Variants in FGD4 observed in about 807,000 individuals in gnomAD.
FGD4 encodes the protein FYVE, RhoGEF and PH domain-containing protein 4.
In FGD4, 42 loss-of-function variants were observed where a neutral mutation model predicts 102.0. That is an observed-to-expected ratio of 0.41 (90% CI 0.32 to 0.53). FGD4 has a LOEUF of 0.53. FGD4 is among the 20% of genes least tolerant of loss of function. The pLI, the probability that FGD4 is intolerant of heterozygous loss-of-function variation, is 0.21. For missense variants in FGD4, 902 were observed against 1,078.2 expected (o/e 0.84, Z 2.29); for synonymous variants, 380 against 375.7 (o/e 1.01, Z -0.13).
At chr12:32,628,500 A>G (rs1950307349) in intron 14 of FGD4, among the ~76,000 whole-genome samples, 1 of 152,060 alleles carries the variant, frequency 6.6e-6, no homozygotes, top group Non-Finnish European at 1.5e-5. Flanking sequence ...ACTGAACTAG[A>G]TTAAATTATG....
chr12:32,428,692 C>G (rs533262826), intron 1 of FGD4, among the ~76,000 whole-genome samples: 5 of 152,308 alleles, frequency 3.3e-5, no homozygotes. Context: ...CCATCACTTT[C>G]AGGTACATCA....
At chr12:32,419,522 G>T (rs1182055619) in intron 1 of FGD4, among the ~76,000 whole-genome samples, 1 of 152,148 alleles carries the variant, frequency 6.6e-6, no homozygotes, top group African/African-American at 2.4e-5. Flanking sequence ...AGCCACTGCT[G>T]GGGATGGGGG....
chr12:32,448,611 C>T (rs1446334665), intron 1 of FGD4, among the ~76,000 whole-genome samples: 7 of 150,578 alleles, frequency 4.6e-5, no homozygotes, highest in East Asian at 3.9e-4. Flanking sequence ...GAGCTGAGAT[C>T]GCGCCACGGC....
chr12:32,617,231 T>TA (rs1949506461), intron 10 of FGD4, among the ~76,000 whole-genome samples: 1 of 152,310 alleles, frequency 6.6e-6, no homozygotes, highest in African/African-American at 2.4e-5. Flanking sequence ...AAAAATAAAA[T>TA]AAAATCACCA....
At chr12:32,453,200 T>TTATATATATATA (rs1209887127) in intron 1 of FGD4, among the ~76,000 whole-genome samples, 50 of 64,596 alleles carry the variant, frequency 7.7e-4, no homozygotes, top group African/African-American at 2.4e-3. Context: ...TATATATATA[T>TTATATATATATA]TATATATATA....
At chr12:32,479,325 A>G (rs917420747) in intron 1 of FGD4, among the ~76,000 whole-genome samples, 1 of 152,140 alleles carries the variant, frequency 6.6e-6, no homozygotes, top group Non-Finnish European at 1.5e-5. Context: ...ACTAAAGTGT[A>G]GTCATATAAC....
At chr12:32,581,901 TA>T (rs1946648243) in intron 3 of FGD4, 58 bp from the exon 4 acceptor site, 3 of 1,592,664 alleles carry the variant, frequency 1.9e-6, no homozygotes, top group Non-Finnish European at 2.6e-6. Flanking sequence ...AAACTTGTCT[TA>T]ATTCTAGAAC....
intron 1 of FGD4, among the ~76,000 whole-genome samples, chr12:32,445,896 G>A (rs1260424464): frequency 6.6e-6 from 1 of 152,202 alleles, no homozygotes; most frequent in Non-Finnish European, 1.5e-5. Flanking sequence ...ACTGGGTGCT[G>A]TGACTCACAC....
chr12:32,473,878 G>A (rs1356856104), intron 1 of FGD4, among the ~76,000 whole-genome samples: 1 of 151,980 alleles, frequency 6.6e-6, no homozygotes, highest in African/African-American at 2.4e-5. Context: ...ACGAGGTCAG[G>A]AGATCGAGAC....
chr12:32,418,524 A>G (rs757129767), intron 1 of FGD4, among the ~76,000 whole-genome samples: 10 of 152,162 alleles, frequency 6.6e-5, no homozygotes, highest in Non-Finnish European at 1.3e-4. Flanking sequence ...ATTACCAAGC[A>G]GAGACTCTTG....
intron 1 of FGD4, among the ~76,000 whole-genome samples, chr12:32,531,185 A>G (rs1369496247): frequency 2.0e-5 from 3 of 151,688 alleles, no homozygotes; most frequent in Non-Finnish European, 4.4e-5. Context: ...TCTTGACCTC[A>G]TGATCCGCCC....
intron 8 of FGD4, among the ~76,000 whole-genome samples, chr12:32,610,262 A>T (rs1305926511): frequency 1.3e-5 from 2 of 152,222 alleles, no homozygotes; most frequent in Non-Finnish European, 2.9e-5. Flanking sequence ...TAAAATACTT[A>T]ATGGTTTAAG....
intron 1 of FGD4, among the ~76,000 whole-genome samples, chr12:32,480,166 T>C (rs11052022): frequency 3.3e-5 from 2 of 60,580 alleles, no homozygotes; most frequent in African/African-American, 8.2e-5. Flanking sequence ...GTTTTTTTTG[T>C]TTTTTTTGTT....
intron 4 of FGD4, among the ~76,000 whole-genome samples, chr12:32,597,888 G>GT (rs1224658744): frequency 2.0e-5 from 3 of 152,056 alleles, no homozygotes; most frequent in Non-Finnish European, 4.4e-5. Context: ...TTTTCTTTCT[G>GT]TTTTTTTGAG....
Position 32,646,001 on chromosome 12 carries a change from A to T in FGD4, c.*5468A>T, listed in dbSNP as rs779084230. Reference sequence around the variant, plus strand: ...TGTAAAATTAAGCACTTTAATTCCTATTAAATATTAAACATTTGTATCTTG... The same window carrying T: ...TGTAAAATTAAGCACTTTAATTCCTTTTAAATATTAAACATTTGTATCTTG... On this transcript the variant is annotated 3_prime_UTR_variant, in exon 17 of 17. Transcript: ENST00000534526. 6.6e-6 allele frequency: 1 copy of T among 152,168 alleles called. No individual in the cohort carries two copies. Among genetic ancestry groups the T allele is most frequent in the South Asian group, 2.1e-4 (1 of 4,830 alleles). The allele number at this position is 152,168 out of a possible 1,614,324, so 9.4% of individuals were successfully genotyped here.
Position 32,544,883 on chromosome 12 carries a change from T to G in FGD4, c.167-19254T>G, listed in dbSNP as rs1259327882. 6.6e-6 allele frequency among the ~76,000 whole-genome samples: 1 copy of G among 152,242 alleles called. No homozygotes were observed. Among genetic ancestry groups the G allele is most frequent in the Non-Finnish European group, 1.5e-5 (1 of 68,044 alleles). On this transcript the variant is annotated intron_variant, in intron 1 of 16. Coordinates refer to ENST00000534526, the MANE Select transcript of FGD4 (RefSeq NM_001370298.3). The surrounding 1 kb of genome is among the most constrained non-coding windows in gnomAD (Gnocchi z 4.1). ...TTAATAACACTAAGCATGGTGACTCTCAACCATGACTGCACAGTGGGATTG... is the reference window on the plus strand; with the variant it reads ...TTAATAACACTAAGCATGGTGACTCGCAACCATGACTGCACAGTGGGATTG...
rs989742431 is a variant in FGD4, at chr12:32,582,602, C to G, written c.1011+135C>G. 2.5e-5 allele frequency: 29 copies of G among 1,174,352 alleles called. 1 individual carries two copies. The South Asian group carries it at 3.0e-4, about 12-fold the overall frequency. 72.7% of individuals were successfully genotyped at this position (1,174,352 alleles called of 1,614,324 possible). ...CTGGCAGTTAAACGATTTTCAAGCT[C>G]TGGCTGCTGATTAGCATTTCCCCTA... is the stretch of plus-strand genomic sequence containing the variant. On this transcript the variant is annotated intron_variant, in intron 4 of 16. Coordinates refer to ENST00000534526, the MANE Select transcript of FGD4 (RefSeq NM_001370298.3).
chr12:32,493,788 A>G (rs1305442704), intron 1 of FGD4, among the ~76,000 whole-genome samples: 1 of 152,246 alleles, frequency 6.6e-6, no homozygotes, highest in East Asian at 1.9e-4. Context: ...GAAACGTTCA[A>G]TATAATGTTG....
chr12:32,505,556 G>T (rs1479784973), intron 1 of FGD4, among the ~76,000 whole-genome samples: 1 of 152,076 alleles, frequency 6.6e-6, no homozygotes, highest in East Asian at 1.9e-4. Context: ...GCAATGAGTG[G>T]GTCTATGCAG....
Sources: allele counts gnomAD v4.1 joint callset (sites outside exome capture counted in the v4.1 genomes callset), GRCh38; gene constraint gnomAD v4.1.1; non-coding constraint Gnocchi (gnomAD v3.1); transcripts MANE v1.5; gene names NCBI Gene and HGNC (gene_info 2026-07-23, HGNC 2026-07-21).